Variants in ZSCAN5A observed in about 807,000 individuals in gnomAD.
The protein encoded by ZSCAN5A is zinc finger and SCAN domain-containing protein 5A.
Under a neutral mutation model 23.7 loss-of-function variants are expected in ZSCAN5A, and 12 were observed. That is an observed-to-expected ratio of 0.51 (90% confidence interval 0.32 to 0.82). The LOEUF (loss-of-function observed/expected upper bound fraction) is 0.82, where lower values mean the gene tolerates loss of function less well. Ranked by LOEUF, ZSCAN5A falls within the 40% of genes least tolerant of loss-of-function variation. The pLI is 0.03. For missense variants in ZSCAN5A, 597 were observed against 617.9 expected (o/e 0.97, Z 0.36); for synonymous variants, 257 against 239.9 (o/e 1.07, Z -0.66).
At chr19:56,228,441 T>C in intron 2 of ZSCAN5A, 1 of 985,396 alleles carries the variant, frequency 1.0e-6, no homozygotes. Context: ...TGGTTCCCAC[T>C]GAAACCCCAC....
intron 2 of ZSCAN5A, among the ~76,000 whole-genome samples, chr19:56,228,036 TAAA>T (rs1329951671): frequency 6.6e-6 from 1 of 151,946 alleles, no homozygotes; most frequent in Non-Finnish European, 1.5e-5. Context: ...TAAAATAAAA[TAAA>T]ATATAACCTA....
At chr19:56,326,992 C>T (rs529108607) in intron 2 of ZSCAN5A, among the ~76,000 whole-genome samples, 3 of 152,102 alleles carry the variant, frequency 2.0e-5, no homozygotes, top group East Asian at 1.9e-4. Flanking sequence ...ATGCCCTTCA[C>T]GAGTTGAGGT....
chr19:56,359,585 G>A (rs76738323), intron 2 of ZSCAN5A, among the ~76,000 whole-genome samples: 4 of 152,176 alleles, frequency 2.6e-5, no homozygotes, highest in African/African-American at 9.7e-5. Flanking sequence ...TATGAGGCCA[G>A]CATCATTCTG....
rs1347245373 is a variant in ZSCAN5A at position 56,277,164 on chromosome 19, C to T, written c.-128+36119G>A. Among the ~76,000 whole-genome samples, 3 of 152,146 alleles carry T rather than the reference C, an allele frequency of 2.0e-5. No individual in the cohort carries two copies. The East Asian group carries it at 5.8e-4, about 29-fold the overall frequency. ...CCTCAAAATGTTAAACACTGAGTTA[C>T]TCAGCAATTCCGCTCTAGGTATGTG... is the stretch of plus-strand genomic sequence containing the variant. On this transcript the variant is annotated intron_variant, in intron 2 of 5. Coordinates refer to ENST00000683990, the MANE Select transcript of ZSCAN5A (RefSeq NM_001322064.3).
intron 2 of ZSCAN5A, among the ~76,000 whole-genome samples, chr19:56,235,055 CTGATTGA>C (rs2034778404): frequency 7.1e-6 from 1 of 139,998 alleles, no homozygotes; most frequent in Non-Finnish European, 1.6e-5. Context: ...ACTCCAGCCT[CTGATTGA>C]CCGTGGGCCA....
chr19:56,349,002 G>C (rs2041651252), intron 2 of ZSCAN5A, among the ~76,000 whole-genome samples: 1 of 152,162 alleles, frequency 6.6e-6, no homozygotes, highest in Non-Finnish European at 1.5e-5. Flanking sequence ...CTACAGTCAG[G>C]ATGGCAAACT....
chr19:56,284,719 G>A (rs2038974738), intron 2 of ZSCAN5A, among the ~76,000 whole-genome samples: 1 of 151,924 alleles, frequency 6.6e-6, no homozygotes, highest in Admixed American at 6.6e-5. Context: ...TGGCCATGTT[G>A]TCCAGGCTGG....
chr19:56,285,613 T>C (rs2039049622), intron 2 of ZSCAN5A, among the ~76,000 whole-genome samples: 1 of 152,120 alleles, frequency 6.6e-6, no homozygotes, highest in Admixed American at 6.5e-5. Flanking sequence ...TTTTGATTTG[T>C]TTTGTTTGTT....
chr19:56,343,812 G>A (rs543763010), intron 2 of ZSCAN5A, among the ~76,000 whole-genome samples: 4 of 152,140 alleles, frequency 2.6e-5, no homozygotes, highest in African/African-American at 7.2e-5. Context: ...CTTTACATAA[G>A]CTTTGAATTA....
intron 1 of ZSCAN5A, chr19:56,364,940 T>C (rs1322001200): frequency 6.6e-6 from 1 of 152,230 alleles, no homozygotes; most frequent in African/African-American, 2.4e-5. Context: ...TCCAGTGTGA[T>C]GGAAATATTC....
intron 2 of ZSCAN5A, among the ~76,000 whole-genome samples, chr19:56,264,031 A>G (rs2195976): frequency 0.69 from 103,959 of 150,230 alleles, 36,203 homozygotes; most frequent in Admixed American, 0.76. Context: ...GTGCAATGGC[A>G]TGATCTTGGC....
intron 2 of ZSCAN5A, among the ~76,000 whole-genome samples, chr19:56,273,826 A>G (rs137894895): frequency 1.7e-4 from 26 of 152,262 alleles, no homozygotes; most frequent in African/African-American, 6.0e-4. Flanking sequence ...GGAAGCTGTG[A>G]AAGGGTTTTC....
At chr19:56,306,373 C>T (rs56279742) in intron 2 of ZSCAN5A, among the ~76,000 whole-genome samples, 19,473 of 77,124 alleles carry the variant, frequency 0.25, 1,013 homozygotes, top group Middle Eastern at 0.33. Flanking sequence ...CCTCCCTGGC[C>T]TCTCCCACGT....
At chr19:56,312,426 C>T (rs1380170795) in intron 2 of ZSCAN5A, 1 of 152,192 alleles carries the variant, frequency 6.6e-6, no homozygotes, top group East Asian at 1.9e-4. Flanking sequence ...TTACAGAACA[C>T]CTAGTCCGTA....
chr19:56,339,818 G>A lies in ZSCAN5A; in HGVS notation c.-358+23417C>T, dbSNP rs143377837. Among the ~76,000 whole-genome samples, 1,170 of 150,992 alleles carry A rather than the reference G, an allele frequency of 7.7e-3. 65 individuals are homozygous for A. Among genetic ancestry groups the A allele is most frequent in the African/African-American group, 0.026 (1,052 of 40,494 alleles). ...AATATGTGAAGGAGCGGTTGTAGCC[G>A]CATTTAGCAATATGTGAAGGAGCGG... On this transcript the variant is annotated intron_variant, in intron 2 of 6. Coordinates refer to the ZSCAN5A transcript ENST00000587340.
At chr19:56,242,580 T>C (rs2035513325) in intron 2 of ZSCAN5A, among the ~76,000 whole-genome samples, 1 of 152,146 alleles carries the variant, frequency 6.6e-6, no homozygotes, top group Non-Finnish European at 1.5e-5. Context: ...TCCAGTGACC[T>C]TTCCCGAGAC....
At chr19:56,258,813 A>G (rs143915465) in intron 2 of ZSCAN5A, among the ~76,000 whole-genome samples, 22 of 152,262 alleles carry the variant, frequency 1.4e-4, no homozygotes, top group African/African-American at 4.8e-4. Flanking sequence ...CAGAAGGGAC[A>G]TTGCGTGACT....
At chr19:56,254,382 T>C (rs1230449988) in intron 2 of ZSCAN5A, among the ~76,000 whole-genome samples, 1 of 152,226 alleles carries the variant, frequency 6.6e-6, no homozygotes, top group African/African-American at 2.4e-5. Flanking sequence ...CTGCTAACAT[T>C]ATTATATTAT....
chr19:56,322,418 G>A (rs929932486), intron 2 of ZSCAN5A: 3 of 609,958 alleles, frequency 4.9e-6, no homozygotes, highest in Non-Finnish European at 8.9e-6. Flanking sequence ...TCCAGGAGGC[G>A]GGCGACCCCG....
Sources: gnomAD v4.1 joint callset for allele counts (sites outside exome capture counted in the v4.1 genomes callset) on GRCh38, gnomAD v4.1.1 for gene constraint, MANE v1.5 for transcripts, NCBI Gene and HGNC (gene_info 2026-07-23, HGNC 2026-07-21) for gene names.